Variants in CBR4 observed in about 807,000 individuals in gnomAD.
CBR4 encodes carbonyl reductase 4.
A neutral mutation model predicts 21.0 loss-of-function variants in CBR4; 22 were observed. The observed-to-expected ratio is 1.05, with a 90% CI of 0.75 to 1.50. The LOEUF (loss-of-function observed/expected upper bound fraction) is 1.50, where lower values mean the gene tolerates loss of function less well. Among genes scored for constraint, CBR4 ranks in the 40% most tolerant of loss-of-function variants. The pLI, the probability that CBR4 is intolerant of heterozygous loss-of-function variation, is 0.00. For synonymous variants in CBR4, 100 were observed against 104.4 expected, an observed-to-expected ratio of 0.96 and a Z score of 0.26; for missense variants, 302 against 286.3, an observed-to-expected ratio of 1.05 and a Z score of -0.40.
intron 2 of CBR4, among the ~76,000 whole-genome samples, chr4:168,965,031 C>G (rs1475328290): frequency 6.6e-6 from 1 of 152,160 alleles, no homozygotes; most frequent in Non-Finnish European, 1.5e-5. Flanking sequence ...CCCCCAATCT[C>G]CTTAAGCTGA....
At chr4:168,924,675 C>T (rs1348187797) in intron 2 of CBR4, among the ~76,000 whole-genome samples, 3 of 152,116 alleles carry the variant, frequency 2.0e-5, no homozygotes, top group Non-Finnish European at 4.4e-5. Context: ...AAGATGAATT[C>T]ATTTGCTTTA....
At chr4:168,911,301 A>T (rs1758892585) in intron 2 of CBR4, among the ~76,000 whole-genome samples, 1 of 152,240 alleles carries the variant, frequency 6.6e-6, no homozygotes, top group Non-Finnish European at 1.5e-5. Flanking sequence ...TTAAGTCTGA[A>T]TTTAACTTAC....
chr4:168,980,214 G>A (rs1764504874), intron 2 of CBR4, among the ~76,000 whole-genome samples: 2 of 151,774 alleles, frequency 1.3e-5, no homozygotes, highest in Non-Finnish European at 2.9e-5. Context: ...GCTGAGGTCT[G>A]CAGCACTCAA....
intron 2 of CBR4, chr4:168,903,828 T>C (rs1157369477): frequency 6.2e-7 from 1 of 1,612,840 alleles, no homozygotes; most frequent in Non-Finnish European, 8.5e-7. Flanking sequence ...GAGATCTCGA[T>C]GGGACCTGCT....
intron 2 of CBR4, among the ~76,000 whole-genome samples, chr4:168,929,686 C>T (rs1220340589): frequency 6.6e-6 from 1 of 152,074 alleles, no homozygotes; most frequent in African/African-American, 2.4e-5. Context: ...CTCTTTTGAT[C>T]ATGTGTGACC....
At chr4:168,951,853 CCTT>C (rs1182908902) in intron 2 of CBR4, among the ~76,000 whole-genome samples, 6 of 152,198 alleles carry the variant, frequency 3.9e-5, no homozygotes, top group African/African-American at 1.4e-4. Flanking sequence ...AAGATTCTTT[CCTT>C]CGTCTTAACT....
chr4:168,966,658 G>C (rs185067141), intron 2 of CBR4, among the ~76,000 whole-genome samples: 2 of 152,298 alleles, frequency 1.3e-5, no homozygotes, highest in East Asian at 3.9e-4. Flanking sequence ...GCGACTCAAG[G>C]ATCTAGAACC....
At chr4:169,008,866 T>C in intron 1 of CBR4, 1 of 409,374 alleles carries the variant, frequency 2.4e-6, no homozygotes, top group Non-Finnish European at 4.7e-6. Flanking sequence ...TTTTTTCTTT[T>C]AGAGAGCCCA....
intron 2 of CBR4, chr4:168,926,175 C>CTTGA: frequency 6.9e-7 from 1 of 1,457,116 alleles, no homozygotes; most frequent in South Asian, 1.4e-5. Context: ...CCAAGTATAT[C>CTTGA]TTGATTAAAA....
At chr4:168,967,169 T>A (rs1764066878) in intron 2 of CBR4, among the ~76,000 whole-genome samples, 1 of 152,202 alleles carries the variant, frequency 6.6e-6, no homozygotes, top group South Asian at 2.1e-4. Context: ...TGTAATACTA[T>A]GCAGCCATAA....
chr4:168,900,259 A>G (rs1355926936), intron 2 of CBR4, among the ~76,000 whole-genome samples: 1 of 152,212 alleles, frequency 6.6e-6, no homozygotes, highest in Non-Finnish European at 1.5e-5. Flanking sequence ...CCATTTCAGC[A>G]TGAGATTTGG....
intron 2 of CBR4, among the ~76,000 whole-genome samples, chr4:168,966,609 G>A (rs909195591): frequency 2.0e-5 from 3 of 152,130 alleles, no homozygotes; most frequent in Non-Finnish European, 4.4e-5. Flanking sequence ...ACTGTTGGTG[G>A]GTGTGTAAAT....
chr4:168,900,769 A>G (rs957978920), intron 2 of CBR4, among the ~76,000 whole-genome samples: 5 of 152,356 alleles, frequency 3.3e-5, no homozygotes, highest in Admixed American at 2.6e-4. Flanking sequence ...TATTCTTGGC[A>G]TAATCTGCAT....
intron 2 of CBR4, among the ~76,000 whole-genome samples, chr4:168,899,652 C>T (rs1560884006): frequency 6.6e-6 from 1 of 152,116 alleles, no homozygotes; most frequent in South Asian, 2.1e-4. Context: ...CATGGTGGCT[C>T]ACGCCTGTAA....
intron 2 of CBR4, chr4:168,926,607 C>T: frequency 4.5e-6 from 2 of 443,426 alleles, no homozygotes; most frequent in Non-Finnish European, 8.0e-6. Flanking sequence ...ATTTACTGTC[C>T]AATTTAAAAC....
chr4:168,969,372 T>TA (rs1181303622), intron 2 of CBR4, among the ~76,000 whole-genome samples: 2 of 152,232 alleles, frequency 1.3e-5, no homozygotes, highest in Non-Finnish European at 2.9e-5. Context: ...GCCTATTCTC[T>TA]AATCCTTGGA....
chr4:169,005,892 G>C, intron 3 of CBR4: 1 of 1,288,548 alleles, frequency 7.8e-7, no homozygotes, highest in Non-Finnish European at 1.0e-6. Flanking sequence ...TACTTTTATG[G>C]AGCAGCATCT....
intron 2 of CBR4, chr4:168,926,585 C>G (rs931007202): frequency 2.1e-6 from 1 of 485,570 alleles, no homozygotes; most frequent in South Asian, 3.5e-5. Flanking sequence ...ACACATTGCA[C>G]AGAAAATACA....
intron 2 of CBR4, among the ~76,000 whole-genome samples, chr4:168,920,702 G>A (rs1206798415): frequency 2.6e-5 from 4 of 152,122 alleles, no homozygotes; most frequent in Admixed American, 2.6e-4. Context: ...CCATTGTGAT[G>A]GTAATTTGTT....
Sources: allele counts gnomAD v4.1 joint callset (sites outside exome capture counted in the v4.1 genomes callset), GRCh38; gene constraint gnomAD v4.1.1; transcripts MANE v1.5; gene names NCBI Gene and HGNC (gene_info 2026-07-23, HGNC 2026-07-21).